Variants in CCDC158 observed in about 807,000 individuals in gnomAD.
CCDC158 encodes coiled-coil domain containing 158.
Under a neutral mutation model 138.6 loss-of-function variants are expected in CCDC158, and 116 were observed. The ratio of observed to expected loss-of-function variants is 0.84; its 90% CI spans 0.72 to 0.98. The LOEUF is 0.98. CCDC158 is among the 50% of genes least tolerant of loss of function. CCDC158 has a pLI of 0.00. For synonymous variants in CCDC158, 436 were observed against 442.4 expected (o/e 0.99, Z 0.18); for missense variants, 1,265 against 1,306.1 (o/e 0.97, Z 0.48).
rs1244239347 is a variant in CCDC158, at chr4:76,421,103, C to T, written c.-255G>A. 2.6e-5 allele frequency among the ~76,000 whole-genome samples: 4 copies of T among 152,000 alleles called. No individual in the cohort carries two copies. On this transcript the variant is annotated 5_prime_UTR_variant, in exon 1 of 25. Coordinates refer to ENST00000682701, the MANE Select transcript of CCDC158 (RefSeq NM_001394954.1). ...TCGCCCCTAGGCCCCGCGGAGGCTG[C>T]GGGGCGGCTCCTCCTCCTCGGCTGC...
rs529915621 is a variant in CCDC158, at chr4:76,384,192, C to T, written c.622G>A (p.Asp208Asn). 2.5e-6 allele frequency: 4 copies of T among 1,614,100 alleles called. No individual in the cohort carries two copies. The East Asian group carries it at 6.7e-5, about 27-fold the overall frequency. ...EASGKKICEHDSMSTLHFRSL... is the reference protein window; with the variant it reads ...EASGKKICEHNSMSTLHFRSL... ...CGGAAGTGCAGAGTAGACATGCTGTCATGTTCACATATTTTTTTGCCTGAG... is the reference window on the plus strand; with the variant it reads ...CGGAAGTGCAGAGTAGACATGCTGTTATGTTCACATATTTTTTTGCCTGAG... The change falls in exon 6 of 25, where the codon GAC (aspartate) becomes AAC (asparagine). Residue 208 changes from aspartate to asparagine, a missense_variant. Transcript: ENST00000682701.
chr4:76,316,834 G>A (rs1174934898), intron 24 of CCDC158, among the ~76,000 whole-genome samples: 1 of 136,094 alleles, frequency 7.3e-6, no homozygotes, highest in African/African-American at 2.8e-5. Context: ...ATAATTGCCA[G>A]CCAATAATTT....
chr4:76,334,929 T>C (rs1481154977), intron 18 of CCDC158, among the ~76,000 whole-genome samples: 1 of 152,226 alleles, frequency 6.6e-6, no homozygotes, highest in Non-Finnish European at 1.5e-5. Flanking sequence ...CTAGGGTTTA[T>C]GCCAACGAAG....
chr4:76,329,047 A>T (rs1720784267), intron 21 of CCDC158, 80 bp from the exon 22 acceptor site: 1 of 1,113,784 alleles, frequency 9.0e-7, no homozygotes, highest in Non-Finnish European at 1.4e-6. Context: ...GCAAGTGAAC[A>T]CAGGCAAATG....
At chr4:76,317,868 TA>T (rs1719554541) in intron 24 of CCDC158, among the ~76,000 whole-genome samples, 1 of 152,146 alleles carries the variant, frequency 6.6e-6, no homozygotes, top group South Asian at 2.1e-4. Context: ...CTCAAAACTA[TA>T]TAAATACATG....
chr4:76,370,004 G>GA (rs1368256481), intron 10 of CCDC158, among the ~76,000 whole-genome samples: 1 of 152,112 alleles, frequency 6.6e-6, no homozygotes. Context: ...ATAAGTAAAG[G>GA]AAAAATGATA....
chr4:76,333,962 A>C (rs1721229023), intron 19 of CCDC158, 48 bp downstream of exon 19: 1 of 1,404,560 alleles, frequency 7.1e-7, no homozygotes, highest in Non-Finnish European at 9.6e-7. Context: ...CTCAATGGCA[A>C]ACCATTCAAG....
intron 1 of CCDC158, among the ~76,000 whole-genome samples, chr4:76,413,704 T>G (rs376215024): frequency 7.2e-5 from 11 of 152,226 alleles, no homozygotes; most frequent in African/African-American, 2.6e-4. Context: ...CTTTCTTGGG[T>G]AGAGTGTTGG....
chr4:76,396,780 A>G (rs10002857), intron 3 of CCDC158, among the ~76,000 whole-genome samples: 4,477 of 151,944 alleles, frequency 0.029, 224 homozygotes, highest in African/African-American at 0.1. Flanking sequence ...TGAGCTGCCC[A>G]CCTCGGCCTC....
At chr4:76,316,315 CT>C (rs1267871727) in intron 24 of CCDC158, among the ~76,000 whole-genome samples, 3 of 152,128 alleles carry the variant, frequency 2.0e-5, no homozygotes, top group Non-Finnish European at 2.9e-5. Flanking sequence ...ACAAAATGCA[CT>C]GGAAAGTGTC....
intron 4 of CCDC158, among the ~76,000 whole-genome samples, chr4:76,390,568 A>C (rs1727221142): frequency 2.0e-5 from 3 of 152,066 alleles, no homozygotes; most frequent in Admixed American, 2.0e-4. Context: ...AAAAGAAGGA[A>C]GTGAAGACCA....
chr4:76,377,769 A>G (rs1725851647), intron 9 of CCDC158, among the ~76,000 whole-genome samples: 1 of 152,228 alleles, frequency 6.6e-6, no homozygotes, highest in African/African-American at 2.4e-5. Context: ...CAGAGGCGGC[A>G]CTGGTTGAAA....
intron 18 of CCDC158, chr4:76,345,075 C>A: frequency 1.5e-6 from 2 of 1,324,042 alleles, no homozygotes; most frequent in South Asian, 1.2e-5. Context: ...GACAAAATGA[C>A]CAGATCTCAT....
intron 2 of CCDC158, among the ~76,000 whole-genome samples, chr4:76,407,487 G>A (rs926699096): frequency 6.6e-6 from 1 of 152,032 alleles, no homozygotes; most frequent in African/African-American, 2.4e-5. Context: ...TATAAAAAAC[G>A]ACTCTATGCT....
intron 3 of CCDC158, among the ~76,000 whole-genome samples, chr4:76,396,856 T>A (rs1189506591): frequency 6.6e-6 from 1 of 152,118 alleles, no homozygotes; most frequent in African/African-American, 2.4e-5. Context: ...TTTCATAAAA[T>A]AATTTTGTGC....
At chr4:76,379,658 C>A (rs1435088927) in intron 8 of CCDC158, among the ~76,000 whole-genome samples, 1 of 151,488 alleles carries the variant, frequency 6.6e-6, no homozygotes, top group African/African-American at 2.4e-5. Context: ...TAGAAAATGT[C>A]CATATAAAAA....
At chr4:76,399,278 T>G (rs1303069544) in intron 3 of CCDC158, among the ~76,000 whole-genome samples, 1 of 152,036 alleles carries the variant, frequency 6.6e-6, no homozygotes, top group African/African-American at 2.4e-5. Context: ...AATAAAAAGC[T>G]GGGAGGGGAA....
chr4:76,378,478 T>C (rs902014968), intron 9 of CCDC158, among the ~76,000 whole-genome samples: 4 of 152,158 alleles, frequency 2.6e-5, no homozygotes, highest in Admixed American at 2.0e-4. Flanking sequence ...GATGACTAAA[T>C]ATAGACTTTA....
chr4:76,354,971 T>A (rs1401881832), intron 15 of CCDC158, among the ~76,000 whole-genome samples: 1 of 152,216 alleles, frequency 6.6e-6, no homozygotes, highest in Non-Finnish European at 1.5e-5. Flanking sequence ...AGTGTGGTGC[T>A]CCTGATCCCA....
Sources: gnomAD v4.1 joint callset for allele counts (sites outside exome capture counted in the v4.1 genomes callset) on GRCh38, gnomAD v4.1.1 for gene constraint, MANE v1.5 for transcripts, NCBI Gene and HGNC (gene_info 2026-07-23, HGNC 2026-07-21) for gene names.